Variants in LOC400499 observed in about 807,000 individuals in gnomAD.
the LOC400499 span, chr16:11,399,137 G>T: frequency 2.4e-6 from 2 of 837,760 alleles, no homozygotes; most frequent in African/African-American, 3.7e-5. Context: ...GATGCTGGAG[G>T]AGACCAGACC....
the LOC400499 span, chr16:11,384,391 G>A: frequency 6.7e-6 from 6 of 895,388 alleles, no homozygotes; most frequent in Non-Finnish European, 8.8e-6. Context: ...CCCCAGCCCT[G>A]CTGCCTCAGG....
the LOC400499 span, chr16:11,424,217 G>A: frequency 2.0e-5 from 8 of 399,172 alleles, no homozygotes; most frequent in African/African-American, 6.2e-5. Context: ...CCGAGGACTC[G>A]GGGGTCACGT....
chr16:11,473,842 T>C, the LOC400499 span, among the ~76,000 whole-genome samples: 1 of 151,970 alleles, frequency 6.6e-6, no homozygotes, highest in Non-Finnish European at 1.5e-5. Context: ...AGATTGTTTG[T>C]TTGTTTAGTT....
chr16:11,426,337 A>AT, the LOC400499 span, among the ~76,000 whole-genome samples: 3 of 152,162 alleles, frequency 2.0e-5, no homozygotes, highest in South Asian at 4.1e-4. Context: ...TTGGGAGGCT[A>AT]AAGTAGGAGA....
chr16:11,503,416 T>C, the LOC400499 span, among the ~76,000 whole-genome samples: 8 of 152,272 alleles, frequency 5.3e-5, no homozygotes, highest in South Asian at 2.1e-4. Flanking sequence ...GCTCACTGCA[T>C]TGGCCTGAAC....
chr16:11,392,329 C>G, the LOC400499 span: 47 of 398,922 alleles, frequency 1.2e-4, no homozygotes, highest in Non-Finnish European at 2.2e-5. Context: ...CCACATGGCC[C>G]AGCAGGCCCC....
At chr16:11,417,716 C>T in the LOC400499 span, 13 of 399,196 alleles carry the variant, frequency 3.3e-5, no homozygotes, top group East Asian at 7.1e-5. Context: ...CAGCTCCGGC[C>T]GGAGAGCTCC....
the LOC400499 span, chr16:11,475,749 C>G: frequency 2.0e-5 from 8 of 398,546 alleles, no homozygotes; most frequent in Middle Eastern, 6.3e-4. Context: ...TCAGACGCAT[C>G]ATTTTCATTC....
At chr16:11,390,647 G>A in the LOC400499 span, among the ~76,000 whole-genome samples, 2 of 152,226 alleles carry the variant, frequency 1.3e-5, no homozygotes, top group African/African-American at 4.8e-5. Context: ...GCAGGCCTGA[G>A]CCGTCTCTGC....
At chr16:11,497,022 G>C in the LOC400499 span, among the ~76,000 whole-genome samples, 1 of 152,256 alleles carries the variant, frequency 6.6e-6, no homozygotes, top group Non-Finnish European at 1.5e-5. Context: ...GCCTGCAACA[G>C]TGTGTGTAGG....
chr16:11,401,420 C>G, the LOC400499 span: 2 of 399,486 alleles, frequency 5.0e-6, no homozygotes, highest in Non-Finnish European at 8.8e-6. Flanking sequence ...GGGAGGGAGA[C>G]AGACTCAGCC....
chr16:11,383,688 G>A, the LOC400499 span: 1 of 1,232,548 alleles, frequency 8.1e-7, no homozygotes, highest in Non-Finnish European at 1.0e-6. Context: ...GGGCACACAG[G>A]TGGATGTAGG....
At chr16:11,408,753 G>C in the LOC400499 span, among the ~76,000 whole-genome samples, 3,073 of 152,218 alleles carry the variant, frequency 0.02, 44 homozygotes, top group Non-Finnish European at 0.032. Flanking sequence ...GTGAACCACT[G>C]CATCCAGTTG....
the LOC400499 span, chr16:11,493,843 G>T: frequency 7.0e-6 from 1 of 142,162 alleles, no homozygotes; most frequent in Non-Finnish European, 1.2e-5. Context: ...GGCGTGGGGG[G>T]CGGGGCAGTG....
At chr16:11,454,422 T>C in the LOC400499 span, among the ~76,000 whole-genome samples, 500 of 152,290 alleles carry the variant, frequency 3.3e-3, 4 homozygotes, top group African/African-American at 0.011. Context: ...CATACGAGAA[T>C]AGGACATGCC....
At chr16:11,508,456 G>T in the LOC400499 span, among the ~76,000 whole-genome samples, 7 of 152,172 alleles carry the variant, frequency 4.6e-5, no homozygotes, top group Admixed American at 3.9e-4. Context: ...TTGTGTGCTC[G>T]TAGACAGACA....
the LOC400499 span, among the ~76,000 whole-genome samples, chr16:11,405,839 G>C: frequency 6.6e-6 from 1 of 152,116 alleles, no homozygotes; most frequent in Non-Finnish European, 1.5e-5. Context: ...GTAGCAGATA[G>C]AACACAATGC....
chr16:11,380,315 T>TCTGAGAATGTCTTAATTTC, the LOC400499 span, among the ~76,000 whole-genome samples: 1 of 152,060 alleles, frequency 6.6e-6, no homozygotes. Context: ...CTTTTGTTTA[T>TCTGAGAATGTCTTAATTTC]CTGAGAATGT....
the LOC400499 span, among the ~76,000 whole-genome samples, chr16:11,492,861 G>A: frequency 6.6e-6 from 1 of 152,128 alleles, no homozygotes; most frequent in African/African-American, 2.4e-5. Context: ...AGAGCCAGGG[G>A]GACCTGGGAG....
Sources: allele counts gnomAD v4.1 joint callset (sites outside exome capture counted in the v4.1 genomes callset), GRCh38; gene constraint gnomAD v4.1.1; transcripts MANE v1.5.